Variants in LHPP observed in about 807,000 individuals in gnomAD.
The protein encoded by LHPP is phospholysine phosphohistidine inorganic pyrophosphate phosphatase, also known as hLHPP.
A neutral mutation model predicts 30.3 loss-of-function variants in LHPP; 24 were observed. The observed-to-expected ratio is 0.79, with a 90% CI of 0.57 to 1.11. The LOEUF (loss-of-function observed/expected upper bound fraction) is 1.11, where lower values mean the gene tolerates loss of function less well. Ranked by LOEUF, LHPP falls within the 50% of genes most tolerant of loss-of-function variation. The pLI, the probability that LHPP is intolerant of heterozygous loss-of-function variation, is 0.00. For synonymous variants in LHPP, 150 were observed against 157.1 expected (o/e 0.95, Z 0.34); for missense variants, 356 against 367.2 (o/e 0.97, Z 0.25).
chr10:124,538,310 G>C (rs889958434), intron 6 of LHPP, among the ~76,000 whole-genome samples: 1 of 152,212 alleles, frequency 6.6e-6, no homozygotes, highest in Non-Finnish European at 1.5e-5. Context: ...GGCCTGAGCA[G>C]CTCCCAGCCT....
At chr10:124,521,644 A>G (rs1408943972) in intron 6 of LHPP, among the ~76,000 whole-genome samples, 2 of 152,094 alleles carry the variant, frequency 1.3e-5, no homozygotes, top group Non-Finnish European at 2.9e-5. Flanking sequence ...CCCTGCAGTG[A>G]GTAACTGCGC....
intron 5 of LHPP, among the ~76,000 whole-genome samples, chr10:124,507,990 G>A (rs1003433618): frequency 4.6e-5 from 7 of 151,794 alleles, no homozygotes; most frequent in Admixed American, 3.9e-4. Flanking sequence ...GAAAAATGGG[G>A]GTGAGGTTTG....
At chr10:124,483,486 A>G (rs1278320698) in intron 1 of LHPP, among the ~76,000 whole-genome samples, 1 of 152,132 alleles carries the variant, frequency 6.6e-6, no homozygotes, top group Admixed American at 6.6e-5. Context: ...GTGGCCAGGC[A>G]GGTGGGCCAG....
At chr10:124,551,439 C>T (rs1370995828) in intron 6 of LHPP, among the ~76,000 whole-genome samples, 2 of 152,306 alleles carry the variant, frequency 1.3e-5, no homozygotes, top group Admixed American at 6.5e-5. Flanking sequence ...TCCTTGCTCA[C>T]GCTGCCTGCT....
At chr10:124,483,137 C>A (rs1325222512) in intron 1 of LHPP, among the ~76,000 whole-genome samples, 2 of 152,164 alleles carry the variant, frequency 1.3e-5, no homozygotes, top group African/African-American at 4.8e-5. Context: ...GTGGCAGCAT[C>A]CTGAAGTTCA....
chr10:124,551,589 C>A (rs1242902956), intron 6 of LHPP, among the ~76,000 whole-genome samples: 1 of 152,168 alleles, frequency 6.6e-6, no homozygotes, highest in African/African-American at 2.4e-5. Flanking sequence ...GCAGGGGTCC[C>A]AGAGTGGGAG....
intron 6 of LHPP, among the ~76,000 whole-genome samples, chr10:124,606,504 G>A (rs542990885): frequency 1.3e-5 from 2 of 152,260 alleles, no homozygotes; most frequent in South Asian, 4.1e-4. Context: ...GGCAGGGCCA[G>A]CGCCAGGGTG....
chr10:124,586,510 C>T (rs1036412125), intron 6 of LHPP, among the ~76,000 whole-genome samples: 1 of 152,216 alleles, frequency 6.6e-6, no homozygotes, highest in African/African-American at 2.4e-5. Context: ...GACACAAACT[C>T]AGCACAGAAT....
intron 2 of LHPP, among the ~76,000 whole-genome samples, chr10:124,485,365 G>A (rs531329607): frequency 2.6e-5 from 4 of 152,116 alleles, no homozygotes; most frequent in South Asian, 2.1e-4. Context: ...GTGGGCATCC[G>A]CTTGGAGGGT....
intron 5 of LHPP, among the ~76,000 whole-genome samples, chr10:124,516,030 C>T (rs1954445301): frequency 6.6e-6 from 1 of 152,262 alleles, no homozygotes; most frequent in South Asian, 2.1e-4. Flanking sequence ...CTAGCTTTGT[C>T]TCCCCAGTTC....
At chr10:124,601,687 C>T (rs1014005184) in intron 6 of LHPP, among the ~76,000 whole-genome samples, 2 of 152,228 alleles carry the variant, frequency 1.3e-5, no homozygotes, top group African/African-American at 4.8e-5. Context: ...TGGCTAAACC[C>T]AGCCGTAAAT....
rs1052578232 is a variant in LHPP, at chr10:124,498,076, C to T, written c.572C>T (p.Ser191Phe). ...GIKAEVVGKP[S>F]PEFFKSALQA... ...AAAGCCGAGGTGGTGGGGAAGCCTT[C>T]TCCTGAGTTTTTCAAGTCTGCCCTG... Residue 191 changes from serine (S) to phenylalanine (F), a missense_variant, in exon 5 of 7, where the codon TCT (serine) becomes TTT (phenylalanine). Ser to Phe is a radical substitution (Grantham distance 155). Transcript: ENST00000368842. 3.1e-6 allele frequency: 5 copies of T among 1,614,042 alleles called. No individual in the cohort carries two copies. The highest frequency in any genetic ancestry group is 1.7e-5 in the Admixed American group (1 of 60,006).
At chr10:124,559,589 T>C (rs1229339591) in intron 6 of LHPP, among the ~76,000 whole-genome samples, 1 of 152,230 alleles carries the variant, frequency 6.6e-6, no homozygotes, top group Non-Finnish European at 1.5e-5. Flanking sequence ...GCCCAGAGTG[T>C]ACCTGTTGGG....
intron 6 of LHPP, among the ~76,000 whole-genome samples, chr10:124,547,318 T>C (rs1281415279): frequency 6.6e-6 from 1 of 152,256 alleles, no homozygotes; most frequent in Non-Finnish European, 1.5e-5. Flanking sequence ...AAAAAATTGC[T>C]TTCTTAAACT....
chr10:124,564,250 A>G (rs1380100561), intron 6 of LHPP, among the ~76,000 whole-genome samples: 1 of 151,634 alleles, frequency 6.6e-6, no homozygotes, highest in Non-Finnish European at 1.5e-5. Flanking sequence ...CAGCCTCCCG[A>G]GTAGCTGGGA....
intron 1 of LHPP, among the ~76,000 whole-genome samples, chr10:124,475,604 T>TGTCCAGAGCCCTGTCCA (rs1952919657): frequency 6.6e-6 from 1 of 152,106 alleles, no homozygotes; most frequent in Admixed American, 6.5e-5. Context: ...CAGTAGCTAC[T>TGTCCAGAGCCCTGTCCA]GTTGGTGCCT....
intron 6 of LHPP, among the ~76,000 whole-genome samples, chr10:124,565,328 C>T (rs1031036669): frequency 6.6e-6 from 1 of 152,114 alleles, no homozygotes; most frequent in African/African-American, 2.4e-5. Flanking sequence ...GAGCTGGTCT[C>T]CTTTGCCATC....
intron 6 of LHPP, among the ~76,000 whole-genome samples, chr10:124,611,427 CGTGA>C (rs56083418): frequency 0.24 from 36,083 of 151,682 alleles, 4,619 homozygotes; most frequent in East Asian, 0.43. Context: ...ATGTGAGGCT[CGTGA>C]GTGCTGTGCT....
At chr10:124,474,414 A>T (rs1239334779) in intron 1 of LHPP, among the ~76,000 whole-genome samples, 1 of 152,070 alleles carries the variant, frequency 6.6e-6, no homozygotes, top group African/African-American at 2.4e-5. Context: ...TGTTGGGATT[A>T]CAAGTATGAA....
Sources: gnomAD v4.1 joint callset for allele counts (sites outside exome capture counted in the v4.1 genomes callset) on GRCh38, gnomAD v4.1.1 for gene constraint, MANE v1.5 for transcripts, NCBI Gene and HGNC (gene_info 2026-07-23, HGNC 2026-07-21) for gene names.